SBF1: variants seen among roughly 807,000 people sequenced by gnomAD.
The protein encoded by SBF1 is SET binding factor 1.
A neutral mutation model predicts 215.8 loss-of-function variants in SBF1; 65 were observed. The ratio of observed to expected loss-of-function variants is 0.30; its 90% CI spans 0.25 to 0.37. The LOEUF is 0.37. SBF1 is among the 10% of genes least tolerant of loss of function. SBF1 has a pLI of 1.00. For missense variants in SBF1, 2,634 were observed against 2,667.8 expected, an observed-to-expected ratio of 0.99 and a Z score of 0.28; for synonymous variants, 1,410 against 1,122.8, an observed-to-expected ratio of 1.26 and a Z score of -5.11.
intron 36 of SBF1, among the ~76,000 whole-genome samples, chr22:50,453,988 C>G (rs188170389): frequency 6.6e-6 from 1 of 152,078 alleles, no homozygotes; most frequent in Non-Finnish European, 1.5e-5. Context: ...ACCACCCAAT[C>G]GCAGTCTCCT....
intron 34 of SBF1, 26 bp from the exon 35 acceptor site, chr22:50,454,970 G>C (rs754292195): frequency 2.5e-6 from 4 of 1,613,932 alleles, no homozygotes; most frequent in Non-Finnish European, 3.4e-6. Flanking sequence ...ACTGAGCCTG[G>C]GCCCCTCCTG....
At chr22:50,463,015 C>T (rs1362598425) in intron 16 of SBF1, 77 bp from the exon 17 acceptor site, 53 of 1,404,580 alleles carry the variant, frequency 3.8e-5, no homozygotes, top group Non-Finnish European at 4.8e-5. Flanking sequence ...CCCCACCACC[C>T]CATAACCACC....
At position 50,462,804 on chromosome 22, in the gene SBF1, G is replaced by A. The variant is rs185565635; in HGVS notation, c.1968+66C>T. 1.2e-3 allele frequency: 1,925 copies of A among 1,605,618 alleles called. 17 individuals carry two copies. Among genetic ancestry groups the A allele is most frequent in the East Asian group, 3.4e-3 (151 of 44,722 alleles). On this transcript the variant is annotated intron_variant, in intron 17 of 40. Coordinates refer to ENST00000380817, the MANE Select transcript of SBF1 (RefSeq NM_002972.4). ...CCTCGGCCACCAGGAAGGGGGGCTG[G>A]GAAGGAGACCTCAGCCACCAGGAAG...
intron 36 of SBF1, among the ~76,000 whole-genome samples, chr22:50,451,929 T>C (rs1451944553): frequency 6.6e-6 from 1 of 151,830 alleles, no homozygotes; most frequent in Non-Finnish European, 1.5e-5. Context: ...CCTGAGTAGC[T>C]GGGATTACAG....
In SBF1 at chr22:50,460,245, C is replaced by T. The variant is rs368443561; in HGVS notation, c.3283+27G>A. On this transcript the variant is annotated intron_variant, in intron 25 of 40. Transcript: ENST00000380817. ...GGCCAATGTCAGCATCCAGAGACCA[C>T]CCAGGACTCCACCCCCACCCCTCCA... 1.5e-3 allele frequency: 2,409 copies of T among 1,601,630 alleles called. 4 individuals are homozygous for T. Among genetic ancestry groups the T allele is most frequent in the Non-Finnish European group, 1.7e-3 (2,018 of 1,172,566 alleles).
chr22:50,454,937 C>G lies in SBF1; in HGVS notation c.4689G>C (p.Leu1563=), dbSNP rs2067188467. 2 of 1,614,048 alleles carry G rather than the reference C, an allele frequency of 1.2e-6. No individual in the cohort carries two copies. Among genetic ancestry groups the G allele is most frequent in the Non-Finnish European group, 1.7e-6 (2 of 1,180,012 alleles). The change falls in exon 35 of 41, where the codon CTG becomes CTC. Residue 1563 remains leucine (L), a synonymous_variant. Transcript: ENST00000380817. The stretch of plus-strand genomic sequence containing the variant: ...CCCTGCGTTCCCCCTTCTCCTCATA[C>G]AGCAGCCCTGCACAGAAGCAGCACT... ...SDYERIELGL[L]YEEKGERRGQ... is the part of the protein sequence containing the mutation.
intron 36 of SBF1, among the ~76,000 whole-genome samples, chr22:50,453,110 T>G (rs889948595): frequency 2.0e-5 from 3 of 152,142 alleles, no homozygotes; most frequent in African/African-American, 4.8e-5. Context: ...AAAAAACCCA[T>G]TAGACTGGAT....
rs763902289 is a variant in SBF1, at chr22:50,462,032, G to C, written c.2484C>G (p.Arg828=). 1 of 1,614,236 alleles carries C rather than the reference G, an allele frequency of 6.2e-7. No individual in the cohort carries two copies. Among genetic ancestry groups the C allele is most frequent in the South Asian group, 1.1e-5 (1 of 91,090 alleles). Reference sequence around the variant, plus strand: ...CCTTGTCCACAAAGCGGTTGATGAAGCGGACCACAGCCCCAGCTACGTCGC... The same window carrying C: ...CCTTGTCCACAAAGCGGTTGATGAACCGGACCACAGCCCCAGCTACGTCGC... ...ETCDVAGAVV[R]FINRFVDKVC... is the part of the protein sequence containing the mutation. Residue 828 remains arginine, a synonymous_variant, in exon 20 of 41, where the codon CGC becomes CGG. Transcript: ENST00000380817.
At chr22:50,458,138 AAATAC>A (rs1238626197) in intron 28 of SBF1, among the ~76,000 whole-genome samples, 3 of 152,060 alleles carry the variant, frequency 2.0e-5, no homozygotes, top group East Asian at 1.9e-4. Flanking sequence ...TCTCTACTAA[AAATAC>A]AATACAAAAA....
chr22:50,448,357 T>A lies in SBF1; in HGVS notation c.5239A>T (p.Thr1747Ser). Residue 1747 changes from threonine to serine, a missense_variant, in exon 38 of 41, where the codon ACC becomes TCC. Thr to Ser is a moderately conservative substitution (Grantham distance 58). Transcript: ENST00000380817. ...VYLQEGPVGSTLSLSLDSDQS... is the reference protein window; with the variant it reads ...VYLQEGPVGSSLSLSLDSDQS... ...TCGCTGTCCAGGCTGAGGCTCAGGG[T>A]GGAGCCCACGGGCCCCTCCTGCAGG... The A allele has an allele frequency of 6.2e-7, 1 of 1,613,792 alleles. No homozygotes were observed. The highest frequency in any genetic ancestry group is 8.5e-7 in the Non-Finnish European group (1 of 1,180,036).
At chr22:50,449,014 A>G (rs1443437208) in intron 36 of SBF1, among the ~76,000 whole-genome samples, 1 of 151,702 alleles carries the variant, frequency 6.6e-6, no homozygotes, top group African/African-American at 2.4e-5. Flanking sequence ...CCTGACAAAC[A>G]TGGAGAAACC....
Position 50,445,415 on chromosome 22 carries a change from A to AC in SBF1, c.*1726dup, listed in dbSNP as rs949279703. ...AGTGGGAGGGGCAGGTGGAGACCAG[A>AC]CCCCCACCCCGCCCCAGCGAGCTTG... is the stretch of plus-strand genomic sequence containing the variant. On this transcript the variant is annotated 3_prime_UTR_variant, in exon 41 of 41. Coordinates refer to ENST00000380817, the MANE Select transcript of SBF1 (RefSeq NM_002972.4). 6.6e-5 allele frequency: 10 copies of AC among 151,090 alleles called. No homozygotes were observed. Among genetic ancestry groups the AC allele is most frequent in the African/African-American group, 2.0e-4 (8 of 40,960 alleles). 9.4% of individuals were successfully genotyped at this position (151,090 alleles called of 1,614,324 possible). A position where few individuals can be genotyped will look rare whatever the true frequency, so the allele number is the denominator to read the frequency against.
rs79033154 is a variant in SBF1, at chr22:50,465,881, C to T, written c.1012-41G>A. 1.3e-3 allele frequency: 2,029 copies of T among 1,611,456 alleles called. 30 individuals are homozygous for T. The African/African-American group carries it at 0.022, about 18-fold the overall frequency. Reference sequence around the variant, plus strand: ...GGAGCAGGCAGCTGCACGCTGGCCCCGGCTCTAGGCTCCCCGTGCTGCCAG... The same window carrying T: ...GGAGCAGGCAGCTGCACGCTGGCCCTGGCTCTAGGCTCCCCGTGCTGCCAG... On this transcript the variant is annotated intron_variant, in intron 9 of 40. Coordinates refer to ENST00000380817, the MANE Select transcript of SBF1 (RefSeq NM_002972.4).
At chr22:50,448,160 A>C in intron 38 of SBF1, 73 bp downstream of exon 38, 1 of 1,470,272 alleles carries the variant, frequency 6.8e-7, no homozygotes, top group South Asian at 1.2e-5. Context: ...GCAATCTCCC[A>C]CCAGAGGACT....
rs771730295 is a variant in SBF1 at position 50,446,885 on chromosome 22, G to A, written c.*257C>T. 29 of 744,282 alleles carry A rather than the reference G, an allele frequency of 3.9e-5. No individual in the cohort carries two copies. The highest frequency in any genetic ancestry group is 2.6e-4 in the Admixed American group (15 of 56,832). 46.1% of individuals were successfully genotyped at this position (744,282 alleles called of 1,614,324 possible). ...GCTGGCTGGACCAGCACACGCTGACGGGGCCGGACTATTTACAGGCCCATT... is the reference window on the plus strand; with the variant it reads ...GCTGGCTGGACCAGCACACGCTGACAGGGCCGGACTATTTACAGGCCCATT... On this transcript the variant is annotated 3_prime_UTR_variant, in exon 41 of 41. Coordinates refer to ENST00000380817, the MANE Select transcript of SBF1 (RefSeq NM_002972.4).
Position 50,447,621 on chromosome 22 carries a change from G to A in SBF1, c.5364-12C>T. ...TGCCCTCGTAGGACCTGCATTTCCA[G>A]CAGAACCAGGGCCAGGCTGACCGTC... On this transcript the variant is annotated splice_polypyrimidine_tract_variant and intron_variant, in intron 38 of 40. Coordinates refer to ENST00000380817, the MANE Select transcript of SBF1 (RefSeq NM_002972.4). The A allele has an allele frequency of 6.3e-7, 1 of 1,596,456 alleles. No homozygotes were observed. The highest frequency in any genetic ancestry group is 8.6e-7 in the Non-Finnish European group (1 of 1,169,064).
chr22:50,474,935 C>A lies in SBF1; in HGVS notation c.-95G>T. ...CTCATGGCCCGGCCCCGGCCCTGGA[C>A]CGCGCACCCCGGACACCCCTGGTTC... On this transcript the variant is annotated 5_prime_UTR_variant, in exon 1 of 41. Coordinates refer to ENST00000380817, the MANE Select transcript of SBF1 (RefSeq NM_002972.4). 2 of 897,936 alleles carry A rather than the reference C, an allele frequency of 2.2e-6. No homozygotes were observed. The highest frequency in any genetic ancestry group is 2.9e-6 in the Non-Finnish European group (2 of 687,244). The allele number at this position is 897,936 out of a possible 1,614,324, so 55.6% of individuals were successfully genotyped here. A position where few individuals can be genotyped will look rare whatever the true frequency, so the allele number is the denominator to read the frequency against.
At chr22:50,449,503 T>A (rs2148555263) in intron 36 of SBF1, among the ~76,000 whole-genome samples, 1 of 151,810 alleles carries the variant, frequency 6.6e-6, no homozygotes, top group East Asian at 2.0e-4. Flanking sequence ...TAATCCCAAC[T>A]ACTCAGGAAG....
intron 28 of SBF1, among the ~76,000 whole-genome samples, chr22:50,458,221 C>T (rs1035804147): frequency 8.7e-5 from 13 of 148,660 alleles, no homozygotes; most frequent in African/African-American, 2.2e-4. Flanking sequence ...AGGAGAATGG[C>T]GTGAACCTGG....
Sources: gnomAD v4.1 joint callset for allele counts (sites outside exome capture counted in the v4.1 genomes callset) on GRCh38, gnomAD v4.1.1 for gene constraint, MANE v1.5 for transcripts, NCBI Gene and HGNC (gene_info 2026-07-23, HGNC 2026-07-21) for gene names.